The following TUBGCP6 variants were observed in gnomAD, a reference collection of about 807,000 sequenced individuals.
TUBGCP6 encodes the protein gamma-tubulin complex component 6.
Under a neutral mutation model 175.8 loss-of-function variants are expected in TUBGCP6, and 161 were observed. The observed-to-expected ratio is 0.92, with a 90% CI of 0.81 to 1.04. The LOEUF (loss-of-function observed/expected upper bound fraction) is 1.04, where lower values mean the gene tolerates loss of function less well. Among genes scored for constraint, TUBGCP6 ranks in the 50% least tolerant of loss-of-function variants. The probability of loss-of-function intolerance (pLI) is 0.00; values close to 1 mark genes in which losing one functional copy is unlikely to be tolerated. For missense variants in TUBGCP6, 2,572 were observed against 2,433.0 expected (o/e 1.06, Z -1.20); for synonymous variants, 1,173 against 1,030.5 (o/e 1.14, Z -2.65).
intron 1 of TUBGCP6, 28 bp downstream of exon 1, chr22:50,243,691 A>G (rs1389766264): frequency 6.4e-7 from 1 of 1,574,514 alleles, no homozygotes; most frequent in African/African-American, 1.4e-5. Context: ...CCCGAGAGAG[A>G]TGAAAGAGGA....
rs367963726 is a variant in TUBGCP6 at position 50,243,740 on chromosome 22, G to A, written c.720C>T (p.Asp240=). ...LGLPPVPDNA[D]LSGLAIKVPP... is the part of the protein sequence containing the mutation. Reference sequence around the variant, plus strand: ...CTACCTTAATAGCCAGCCCAGAGAGGTCCGCATTGTCTGGCACGGGGGGCA... The same window carrying A: ...CTACCTTAATAGCCAGCCCAGAGAGATCCGCATTGTCTGGCACGGGGGGCA... The change falls in exon 1 of 25, where the codon GAC becomes GAT. Residue 240 remains aspartate (D), a synonymous_variant. Transcript: ENST00000248846. The A allele has an allele frequency of 3.7e-6, 6 of 1,613,220 alleles. No homozygotes were observed. Among genetic ancestry groups the A allele is most frequent in the Non-Finnish European group, 5.1e-6 (6 of 1,179,786 alleles).
In TUBGCP6 at chr22:50,221,265, C is replaced by T. The variant is rs1291574476; in HGVS notation, c.3094G>A (p.Gly1032Ser). 1 of 1,614,064 alleles carries T rather than the reference C, an allele frequency of 6.2e-7. No homozygotes were observed. The highest frequency in any genetic ancestry group is 8.5e-7 in the Non-Finnish European group (1 of 1,180,046). ...TERLFGQVSG[G>S]GLPTGDYASE... ...GCGTAGTCCCCTGTGGGAAGACCAC[C>T]CCCTGACACCTGCCCAAAGAGCCGC... The change falls in exon 16 of 25, where the codon GGT (glycine) becomes AGT (serine). Residue 1032 changes from glycine to serine, a missense_variant. Physicochemically the swap from Gly to Ser is moderately conservative, Grantham distance 56. Coordinates refer to ENST00000248846, the MANE Select transcript of TUBGCP6 (RefSeq NM_020461.4).
At chr22:50,225,457 G>T (rs534488929) in intron 10 of TUBGCP6, among the ~76,000 whole-genome samples, 1 of 152,216 alleles carries the variant, frequency 6.6e-6, no homozygotes, top group South Asian at 2.1e-4. Context: ...TGGCGGGCCC[G>T]GGGAGGCCCC....
chr22:50,224,073 A>G (rs1237121687), intron 13 of TUBGCP6, 68 bp downstream of exon 13: 10 of 1,350,670 alleles, frequency 7.4e-6, no homozygotes, highest in Non-Finnish European at 1.0e-5. Flanking sequence ...ATCATCAGTA[A>G]GATTAAGCCA....
chr22:50,224,100 G>A (rs1390276525), intron 13 of TUBGCP6, 41 bp downstream of exon 13: 1 of 1,585,872 alleles, frequency 6.3e-7, no homozygotes, highest in South Asian at 1.1e-5. Flanking sequence ...TGGGGCCCCT[G>A]CCGCACTGCA....
chr22:50,226,985 G>A lies in TUBGCP6; in HGVS notation c.1491+14C>T, dbSNP rs763406462. 2 of 1,610,324 alleles carry A rather than the reference G, an allele frequency of 1.2e-6. No individual in the cohort carries two copies. The highest frequency in any genetic ancestry group is 1.7e-5 in the Admixed American group (1 of 59,530). The stretch of plus-strand genomic sequence containing the variant: ...CCACCAGGCTGACACACTCGGCAGG[G>A]ACGCACAACTCACGGTGGGAAACGC... On this transcript the variant is annotated intron_variant, in intron 6 of 24. Transcript: ENST00000248846.
Position 50,218,122 on chromosome 22 carries a change from G to T in TUBGCP6, c.5169-5C>A. On this transcript the variant is annotated splice_region_variant and splice_polypyrimidine_tract_variant and intron_variant, in intron 23 of 24. Transcript: ENST00000248846. ...GCCTTCTCCGTGAGCAGGCCCCTGG[G>T]GGGAAGCAGTGCTGCTGGGTGGGCT... is the stretch of plus-strand genomic sequence containing the variant. 1.9e-6 allele frequency: 3 copies of T among 1,611,954 alleles called. No individual in the cohort carries two copies. The highest frequency in any genetic ancestry group is 2.2e-5 in the South Asian group (2 of 91,062).
chr22:50,233,265 G>A (rs1326406275), intron 3 of TUBGCP6, 51 bp downstream of exon 3: 1 of 1,587,998 alleles, frequency 6.3e-7, no homozygotes, highest in Non-Finnish European at 8.6e-7. Flanking sequence ...ACTGCGTGGT[G>A]GAGGGCAGGC....
intron 2 of TUBGCP6, among the ~76,000 whole-genome samples, chr22:50,234,347 C>CCAGGTACACGGCAGCATCATCCACA (rs2064736009): frequency 1.4e-5 from 2 of 146,908 alleles, no homozygotes; most frequent in East Asian, 2.0e-4. Flanking sequence ...GCATCCACAC[C>CCAGGTACACGGCAGCATCATCCACA]CCTGTCCACA....
In TUBGCP6 at chr22:50,233,652, G is replaced by A. The variant is rs1215313123; in HGVS notation, c.906-126C>T. 9 of 944,808 alleles carry A rather than the reference G, an allele frequency of 9.5e-6. No homozygotes were observed. The East Asian group carries it at 1.1e-4, about 11-fold the overall frequency. The allele number at this position is 944,808 out of a possible 1,614,324, so 58.5% of individuals were successfully genotyped here. ...AGTGATTCAAAACAATAAACTCTAA[G>A]AAACATAGCCAGGTATGAATGTCAG... On this transcript the variant is annotated intron_variant, in intron 2 of 24. Transcript: ENST00000248846.
At chr22:50,241,273 G>A (rs2064835629) in intron 1 of TUBGCP6, among the ~76,000 whole-genome samples, 1 of 152,198 alleles carries the variant, frequency 6.6e-6, no homozygotes, top group Non-Finnish European at 1.5e-5. Flanking sequence ...TGCCCAGACA[G>A]GGCCACTAGA....
In TUBGCP6 at chr22:50,243,937, T is replaced by C. The variant is rs756336766; in HGVS notation, c.523A>G (p.Ile175Val). ...SREECLCHSM[I>V]QETLQVMEAA... is the part of the protein sequence containing the mutation. ...TCCATAACCTGAAGTGTTTCCTGGA[T>C]CATGCTGTGACACAAACACTCTTCT... Residue 175 changes from isoleucine to valine, a missense_variant, in exon 1 of 25, where the codon ATC becomes GTC. Transcript: ENST00000248846. The C allele has an allele frequency of 5.0e-6, 8 of 1,614,088 alleles. No homozygotes were observed. The highest frequency in any genetic ancestry group is 6.8e-6 in the Non-Finnish European group (8 of 1,180,026).
At chr22:50,233,291 G>C in intron 3 of TUBGCP6, 25 bp downstream of exon 3, 1 of 1,594,236 alleles carries the variant, frequency 6.3e-7, no homozygotes, top group Non-Finnish European at 8.6e-7. Flanking sequence ...CCACACCACT[G>C]TGGCGGGGAG....
At chr22:50,240,039 C>T in intron 2 of TUBGCP6, 165 bp downstream of exon 2, 1 of 938,486 alleles carries the variant, frequency 1.1e-6, no homozygotes, top group South Asian at 1.6e-5. Flanking sequence ...CTCTGCATCT[C>T]TCTTAACTCC....
chr22:50,225,743 G>A lies in TUBGCP6; in HGVS notation c.1983+51C>T, dbSNP rs376449301. The A allele has an allele frequency of 9.3e-5, 146 of 1,570,590 alleles. 1 individual carries two copies. The African/African-American group carries it at 1.6e-3, about 18-fold the overall frequency. On this transcript the variant is annotated intron_variant, in intron 10 of 24. Coordinates refer to ENST00000248846, the MANE Select transcript of TUBGCP6 (RefSeq NM_020461.4). ...CCGCCCCACCAACCTGAGACCCCAG[G>A]AAGCAGAGGCAGGGGCGAAGAAAGC...
rs141188316 is a variant in TUBGCP6, at chr22:50,222,486, G to A, written c.2377C>T (p.Arg793Cys). 47 of 1,613,680 alleles carry A rather than the reference G, an allele frequency of 2.9e-5. No homozygotes were observed. Among genetic ancestry groups the A allele is most frequent in the Non-Finnish European group, 3.2e-5 (38 of 1,180,036 alleles). The part of the protein sequence containing the change: ...QRHRLESARL[R>C]FLLEDEKHIQ... ...TGTTTCTCATCTTCTAAGAGAAAAC[G>A]AAGCCGTGCACTCTCCAGTCGGTGC... is the stretch of plus-strand genomic sequence containing the variant. Residue 793 changes from arginine (R) to cysteine (C), a missense_variant, in exon 14 of 25, where the codon CGT becomes TGT. Transcript: ENST00000248846.
chr22:50,222,188 T>C lies in TUBGCP6; in HGVS notation c.2410-86A>G, dbSNP rs570184259. 5.4e-5 allele frequency: 77 copies of C among 1,421,664 alleles called. No homozygotes were observed. The Admixed American group carries it at 1.0e-3, about 19-fold the overall frequency. The allele number at this position is 1,421,664 out of a possible 1,614,324, so 88.1% of individuals were successfully genotyped here. A position where few individuals can be genotyped will look rare whatever the true frequency, so the allele number is the denominator to read the frequency against. ...ACAAAGCCACAGCCCCTACCGCCCA[T>C]GGCAGCCATGTGCACTGAACCAGAC... On this transcript the variant is annotated intron_variant, in intron 14 of 24. Transcript: ENST00000248846.
rs1569109156 is a variant in TUBGCP6 at position 50,219,263 on chromosome 22, C to G, written c.4484+25G>C. 3 of 1,610,226 alleles carry G rather than the reference C, an allele frequency of 1.9e-6. No homozygotes were observed. The Admixed American group carries it at 5.0e-5, about 27-fold the overall frequency. ...GGCCAGGACGGGCTGGGTGGGCAGA[C>G]TGGCGCAGGGGCAGGGGCACTCACT... On this transcript the variant is annotated intron_variant, in intron 19 of 24. Coordinates refer to ENST00000248846, the MANE Select transcript of TUBGCP6 (RefSeq NM_020461.4).
intron 10 of TUBGCP6, 37 bp from the exon 11 acceptor site, chr22:50,224,629 G>C (rs370076237): frequency 6.2e-6 from 10 of 1,605,140 alleles, no homozygotes; most frequent in Non-Finnish European, 6.8e-6. Flanking sequence ...CATCCTGGCC[G>C]GGCGCAGTGG....
Sources: gnomAD v4.1 joint callset for allele counts (sites outside exome capture counted in the v4.1 genomes callset) on GRCh38, gnomAD v4.1.1 for gene constraint, MANE v1.5 for transcripts, NCBI Gene and HGNC (gene_info 2026-07-23, HGNC 2026-07-21) for gene names.